MYO7A: variants seen among roughly 807,000 people sequenced by gnomAD.
The protein encoded by MYO7A is myosin VIIA.
Under a neutral mutation model 263.8 loss-of-function variants are expected in MYO7A, and 210 were observed. That is an observed-to-expected ratio of 0.80 (90% CI 0.71 to 0.89). The LOEUF (loss-of-function observed/expected upper bound fraction) is 0.89, where lower values mean the gene tolerates loss of function less well. Ranked by LOEUF, MYO7A falls within the 40% of genes least tolerant of loss-of-function variation. The pLI is 0.00. For synonymous variants in MYO7A, 1,239 were observed against 1,197.3 expected (o/e 1.03, Z -0.72); for missense variants, 2,820 against 2,968.3 (o/e 0.95, Z 1.16).
Position 77,205,579 on chromosome 11 carries a change from C to G in MYO7A, c.5598C>G (p.Leu1866=). 6.2e-7 allele frequency: 1 copy of G among 1,613,434 alleles called. No homozygotes were observed. Among genetic ancestry groups the G allele is most frequent in the Admixed American group, 1.7e-5 (1 of 59,962 alleles). The change falls in exon 40 of 49, where the codon CTC becomes CTG. Residue 1866 remains leucine, a synonymous_variant. Transcript: ENST00000409709. Reference sequence around the variant, plus strand: ...TGCAGTCCCGAAAGCACTGCCCACTCGCCATCGACTGCCTGCAACGGCTCC... The same window carrying G: ...TGCAGTCCCGAAAGCACTGCCCACTGGCCATCGACTGCCTGCAACGGCTCC... ...RFLQSRKHCP[L]AIDCLQRLQK... is the part of the protein sequence containing the mutation.
chr11:77,163,993 G>A (rs1555070904), intron 14 of MYO7A, among the ~76,000 whole-genome samples: 1 of 152,108 alleles, frequency 6.6e-6, no homozygotes, highest in African/African-American at 2.4e-5. Flanking sequence ...GGGGGGGCTT[G>A]ACTGTCCTTA....
intron 44 of MYO7A, chr11:77,209,298 T>G: frequency 6.3e-6 from 1 of 159,274 alleles, no homozygotes; most frequent in Non-Finnish European, 1.4e-5. Flanking sequence ...CCGCGTGCTG[T>G]GATTAGGATC....
intron 15 of MYO7A, 68 bp from the exon 16 acceptor site, chr11:77,172,680 T>C: frequency 1.3e-6 from 2 of 1,540,166 alleles, no homozygotes; most frequent in Non-Finnish European, 1.7e-6. Flanking sequence ...CGCTTCCTAC[T>C]GGGCGGCTCC....
chr11:77,179,763 C>A lies in MYO7A; in HGVS notation c.2396C>A (p.Ala799Asp). Reference protein sequence around the residue: ...LMRLGFLRLQALHRSRKLHQQ... With the variant: ...LMRLGFLRLQDLHRSRKLHQQ... Reference sequence around the variant, plus strand: ...CGTCTGGGCTTCCTGCGGCTGCAGGCCCTGCACCGCTCCCGGAAGCTGCAC... The same window carrying A: ...CGTCTGGGCTTCCTGCGGCTGCAGGACCTGCACCGCTCCCGGAAGCTGCAC... Residue 799 changes from alanine (A) to aspartate (D), a missense_variant, in exon 21 of 49, where the codon GCC (alanine) becomes GAC (aspartate). By Grantham distance (126) the Ala-to-Asp change is moderately radical. Transcript: ENST00000409709. The A allele has an allele frequency of 6.5e-7, 1 of 1,550,240 alleles. No individual in the cohort carries two copies. Among genetic ancestry groups the A allele is most frequent in the Non-Finnish European group, 8.7e-7 (1 of 1,149,154 alleles).
intron 16 of MYO7A, 33 bp downstream of exon 16, chr11:77,172,918 C>G (rs554609706): frequency 3.2e-5 from 49 of 1,532,440 alleles, no homozygotes; most frequent in Non-Finnish European, 4.3e-5. Context: ...TGGCGGGTGG[C>G]GGCTAGGGTG....
Position 77,197,587 on chromosome 11 carries a change from A to G in MYO7A, c.4430A>G (p.Tyr1477Cys). 1 of 1,590,852 alleles carries G rather than the reference A, an allele frequency of 6.3e-7. No individual in the cohort carries two copies. Among genetic ancestry groups the G allele is most frequent in the South Asian group, 1.1e-5 (1 of 87,374 alleles). ...PLLFSRFYEA[Y>C]KFSGPSLPKN... Reference sequence around the variant, plus strand: ...CTCTTCTCCAGGTTTTATGAAGCCTACAAATTCTCAGGTACCCCGCAGCCT... The same window carrying G: ...CTCTTCTCCAGGTTTTATGAAGCCTGCAAATTCTCAGGTACCCCGCAGCCT... The change falls in exon 33 of 49, where the codon TAC becomes TGC. Residue 1477 changes from tyrosine to cysteine, a missense_variant. Coordinates refer to ENST00000409709, the MANE Select transcript of MYO7A (RefSeq NM_000260.4).
At chr11:77,205,891 G>A in intron 40 of MYO7A, among the ~76,000 whole-genome samples, 1 of 152,176 alleles carries the variant, frequency 6.6e-6, no homozygotes, top group East Asian at 1.9e-4. Context: ...GGGCACTTGT[G>A]TTCTTCACTT....
intron 1 of MYO7A, among the ~76,000 whole-genome samples, chr11:77,130,199 G>A (rs958527152): frequency 6.6e-6 from 1 of 152,256 alleles, no homozygotes; most frequent in East Asian, 1.9e-4. Context: ...TCCTGGGGCA[G>A]TCCCTAAGCT....
At chr11:77,162,750 G>A (rs1269097380) in intron 13 of MYO7A, 103 bp from the exon 14 acceptor site, 23 of 1,466,484 alleles carry the variant, frequency 1.6e-5, no homozygotes, top group Non-Finnish European at 2.0e-5. Context: ...ATAAAAGGAG[G>A]GGAAGCTCCT....
intron 3 of MYO7A, among the ~76,000 whole-genome samples, chr11:77,146,222 G>A (rs1951556668): frequency 6.6e-6 from 1 of 152,214 alleles, no homozygotes; most frequent in African/African-American, 2.4e-5. Flanking sequence ...CGTGTTCCCT[G>A]GCTAGGATGT....
At chr11:77,134,863 C>T (rs1555046992) in intron 2 of MYO7A, among the ~76,000 whole-genome samples, 2 of 149,542 alleles carry the variant, frequency 1.3e-5, no homozygotes, top group Non-Finnish European at 3.0e-5. Context: ...GCTCACTCTG[C>T]AACTTCTGCC....
intron 39 of MYO7A, among the ~76,000 whole-genome samples, chr11:77,205,004 G>A (rs1957346380): frequency 6.6e-6 from 1 of 152,214 alleles, no homozygotes; most frequent in African/African-American, 2.4e-5. Context: ...AGCTCAGAGT[G>A]GTGGCTGAAG....
chr11:77,162,845 C>G lies in MYO7A; in HGVS notation c.1555-8C>G, dbSNP rs1057517774. ...GGGTGGGCTCACAGCTGCCCCTCCA[C>G]TCCCCAGGGCACAGACACCACCATG... On this transcript the variant is annotated splice_polypyrimidine_tract_variant and splice_region_variant and intron_variant, in intron 13 of 48. Transcript: ENST00000409709. 3 of 1,610,338 alleles carry G rather than the reference C, an allele frequency of 1.9e-6. No homozygotes were observed. The highest frequency in any genetic ancestry group is 2.5e-6 in the Non-Finnish European group (3 of 1,177,476).
chr11:77,189,245 G>A, intron 27 of MYO7A, 99 bp from the exon 28 acceptor site: 1 of 1,536,142 alleles, frequency 6.5e-7, no homozygotes, highest in Admixed American at 1.9e-5. Context: ...AAGTTGGAGA[G>A]GACAGCTGTG....
chr11:77,208,849 G>A lies in MYO7A; in HGVS notation c.6051+46G>A, dbSNP rs547638874. 38 of 1,432,270 alleles carry A rather than the reference G, an allele frequency of 2.7e-5. No homozygotes were observed. The East Asian group carries it at 9.2e-4, about 35-fold the overall frequency. The allele number at this position is 1,432,270 out of a possible 1,614,324, so 88.7% of individuals were successfully genotyped here. Reference sequence around the variant, plus strand: ...GTTGCCTTCGTGCACAGCTAGCGTTGCTGTACTTTGGCCCTGAAAGCAGAG... The same window carrying A: ...GTTGCCTTCGTGCACAGCTAGCGTTACTGTACTTTGGCCCTGAAAGCAGAG... On this transcript the variant is annotated intron_variant, in intron 44 of 48. Transcript: ENST00000409709.
At chr11:77,175,071 C>T (rs556344093) in intron 17 of MYO7A, among the ~76,000 whole-genome samples, 157 bp downstream of exon 17, 8 of 152,282 alleles carry the variant, frequency 5.3e-5, no homozygotes, top group Non-Finnish European at 2.9e-5. Flanking sequence ...TGGAATGCAT[C>T]AGTGGGCTTC....
chr11:77,185,206 G>A (rs189701054), intron 27 of MYO7A, among the ~76,000 whole-genome samples: 3 of 152,302 alleles, frequency 2.0e-5, no homozygotes, highest in Non-Finnish European at 4.4e-5. Context: ...GGTTGCTGAA[G>A]GTCGAGGTGG....
At chr11:77,160,928 G>C (rs28581389) in intron 11 of MYO7A, 45 bp from the exon 12 acceptor site, 6 of 1,575,914 alleles carry the variant, frequency 3.8e-6, no homozygotes, top group Non-Finnish European at 5.2e-6. Context: ...CCTGTCCCCC[G>C]GGGGAGGGTG....
rs113980149 is a variant in MYO7A, at chr11:77,148,739, A to G, written c.285+789A>G. ...ACATTTAGAAACGTATTAATTTTTG[A>G]AAAAGTAACCATAATAAATCTATTA... On this transcript the variant is annotated intron_variant, in intron 4 of 48. Transcript: ENST00000409709. 5.0e-4 allele frequency among the ~76,000 whole-genome samples: 76 copies of G among 152,358 alleles called. 2 individuals are homozygous for G. Among genetic ancestry groups the G allele is most frequent in the African/African-American group, 1.8e-3 (74 of 41,588 alleles).
Sources: gnomAD v4.1 joint callset for allele counts (sites outside exome capture counted in the v4.1 genomes callset) on GRCh38, gnomAD v4.1.1 for gene constraint, MANE v1.5 for transcripts, NCBI Gene and HGNC (gene_info 2026-07-23, HGNC 2026-07-21) for gene names.